Variants in PRSS48 observed in about 807,000 individuals in gnomAD.
PRSS48 encodes the protein serine protease 48, also known as epidermis-specific serine protease-like protein.
In PRSS48, 21 loss-of-function variants were observed where a neutral mutation model predicts 25.6. That is an observed-to-expected ratio of 0.82 (90% CI 0.58 to 1.18). The LOEUF (loss-of-function observed/expected upper bound fraction) is 1.18, where lower values mean the gene tolerates loss of function less well. PRSS48 is among the 50% of genes most tolerant of loss of function. The probability of loss-of-function intolerance (pLI) is 0.00; values close to 1 mark genes in which losing one functional copy is unlikely to be tolerated. For synonymous variants in PRSS48, 150 were observed against 149.3 expected (o/e 1.00, Z -0.04); for missense variants, 373 against 399.3 (o/e 0.93, Z 0.56).
At chr4:151,281,186 C>T (rs1180339886) in intron 2 of PRSS48, among the ~76,000 whole-genome samples, 2 of 152,264 alleles carry the variant, frequency 1.3e-5, no homozygotes, top group Admixed American at 6.5e-5. Context: ...TGATAGAATG[C>T]CTGACAAGTT....
intron 4 of PRSS48, 90 bp from the exon 5 acceptor site, chr4:151,291,028 C>A: frequency 1.0e-6 from 1 of 982,514 alleles, no homozygotes. Context: ...GGTCTCATGG[C>A]CCAGTTTTAA....
chr4:151,279,781 C>T lies in PRSS48; in HGVS notation c.53-15C>T. On this transcript the variant is annotated splice_polypyrimidine_tract_variant and intron_variant, in intron 1 of 4. Transcript: ENST00000455694. ...CTCCTAGGTTTCCACATTTCCCTTT[C>T]TTCTCTTTCTCTAGTGTGTGGGCAA... is the stretch of plus-strand genomic sequence containing the variant. 6.2e-7 allele frequency: 1 copy of T among 1,612,810 alleles called. No individual in the cohort carries two copies. The highest frequency in any genetic ancestry group is 1.3e-5 in the African/African-American group (1 of 75,052).
rs775291733 is a variant in PRSS48 at position 151,282,405 on chromosome 4, A to G, written c.473A>G (p.Glu158Gly). The change falls in exon 3 of 5, where the codon GAA (glutamate) becomes GGA (glycine). Residue 158 changes from glutamate to glycine, a missense_variant. Glu to Gly is a moderately conservative substitution (Grantham distance 98). Transcript: ENST00000455694. ...GTGACCGGATGGGGAAAAGTTAAGG[A>G]AAGTTCAGGTGAGAATGGGCAGAGA... 5.0e-5 allele frequency: 80 copies of G among 1,613,790 alleles called. No homozygotes were observed. The highest frequency in any genetic ancestry group is 6.4e-5 in the Non-Finnish European group (76 of 1,179,862).
chr4:151,289,342 T>C (rs1382779182), intron 4 of PRSS48, among the ~76,000 whole-genome samples: 4 of 152,196 alleles, frequency 2.6e-5, no homozygotes, highest in Middle Eastern at 3.2e-3. Flanking sequence ...TTAGATATGT[T>C]ATCAAAAGCA....
chr4:151,282,483 G>C, intron 3 of PRSS48, 70 bp downstream of exon 3: 2 of 1,504,310 alleles, frequency 1.3e-6, no homozygotes, highest in Non-Finnish European at 1.8e-6. Context: ...TCATATTCTA[G>C]GCATATCCTT....
At chr4:151,278,657 G>A (rs1021228813) in intron 1 of PRSS48, among the ~76,000 whole-genome samples, 1 of 151,784 alleles carries the variant, frequency 6.6e-6, no homozygotes, top group Non-Finnish European at 1.5e-5. Flanking sequence ...TTCAGACAGG[G>A]TCTCACTCTC....
chr4:151,282,843 T>C (rs2150009716), intron 3 of PRSS48, among the ~76,000 whole-genome samples: 1 of 152,248 alleles, frequency 6.6e-6, no homozygotes, highest in South Asian at 2.1e-4. Context: ...TTTAGAATAG[T>C]CATACCTTTA....
chr4:151,287,200 G>A (rs974405378), intron 4 of PRSS48, among the ~76,000 whole-genome samples: 6 of 151,466 alleles, frequency 4.0e-5, no homozygotes, highest in South Asian at 2.1e-4. Flanking sequence ...AATTAGCTGG[G>A]TGTGGTGGCT....
intron 2 of PRSS48, 117 bp from the exon 3 acceptor site, chr4:151,282,031 T>C (rs1774284237): frequency 2.0e-6 from 2 of 1,008,348 alleles, no homozygotes; most frequent in South Asian, 3.1e-5. Context: ...GGAAGCACCA[T>C]GGTTAATTCC....
chr4:151,278,162 T>C (rs1351349329), intron 1 of PRSS48, among the ~76,000 whole-genome samples: 1 of 152,210 alleles, frequency 6.6e-6, no homozygotes, highest in African/African-American at 2.4e-5. Flanking sequence ...AGTAAACAGC[T>C]TGCAACCTCA....
chr4:151,291,109 C>A lies in PRSS48; in HGVS notation c.652-9C>A. 6.3e-7 allele frequency: 1 copy of A among 1,595,488 alleles called. No individual in the cohort carries two copies. ...TCACTATGCTCATTACCTTTCATTTCTTCCTTAGGGTGATTCTGGAGGGCC... is the reference window on the plus strand; with the variant it reads ...TCACTATGCTCATTACCTTTCATTTATTCCTTAGGGTGATTCTGGAGGGCC... On this transcript the variant is annotated splice_polypyrimidine_tract_variant and intron_variant, in intron 4 of 4. Transcript: ENST00000455694.
intron 1 of PRSS48, among the ~76,000 whole-genome samples, chr4:151,277,798 T>C (rs1773789291): frequency 6.6e-6 from 1 of 152,156 alleles, no homozygotes; most frequent in African/African-American, 2.4e-5. Context: ...CCCAGCACTT[T>C]GGGATGCCAA....
intron 4 of PRSS48, among the ~76,000 whole-genome samples, chr4:151,289,534 A>G (rs567228530): frequency 1.1e-4 from 16 of 152,362 alleles, no homozygotes; most frequent in Admixed American, 2.6e-4. Context: ...TAAAAAGAGC[A>G]CAGTTTTTAA....
At chr4:151,279,198 G>T in intron 1 of PRSS48, 1 of 263,754 alleles carries the variant, frequency 3.8e-6, no homozygotes, top group Non-Finnish European at 7.3e-6. Context: ...GCACACTAGA[G>T]AAAGAAGAGA....
At chr4:151,285,481 AAC>A (rs1774656526) in intron 4 of PRSS48, among the ~76,000 whole-genome samples, 2 of 152,244 alleles carry the variant, frequency 1.3e-5, no homozygotes, top group South Asian at 2.1e-4. Context: ...TGTGGAAAGT[AAC>A]ACACTGCTAA....
chr4:151,283,487 T>C (rs1354228928), intron 4 of PRSS48, among the ~76,000 whole-genome samples: 1 of 149,576 alleles, frequency 6.7e-6, no homozygotes, highest in Non-Finnish European at 1.5e-5. Context: ...TCTAGACCAA[T>C]ACTAACGACT....
At chr4:151,291,036 TA>T in intron 4 of PRSS48, 81 bp from the exon 5 acceptor site, 2 of 1,107,666 alleles carry the variant, frequency 1.8e-6, no homozygotes, top group Non-Finnish European at 2.6e-6. Flanking sequence ...GGCCCAGTTT[TA>T]AAGAATTCTC....
In PRSS48 at chr4:151,279,854, G is replaced by T. The variant is rs1034814369; in HGVS notation, c.111G>T (p.Gly37=). Reference sequence around the variant, plus strand: ...TAGGTGGCCAGGATGCTGCTGCAGGGCGCTGGCCTTGGCAGGTCAGCCTAC... The same window carrying T: ...TAGGTGGCCAGGATGCTGCTGCAGGTCGCTGGCCTTGGCAGGTCAGCCTAC... The change falls in exon 2 of 5, where the codon GGG becomes GGT. Residue 37 remains glycine (G), a synonymous_variant. Transcript: ENST00000455694. 5 of 1,600,132 alleles carry T rather than the reference G, an allele frequency of 3.1e-6. No homozygotes were observed. The African/African-American group carries it at 6.7e-5, about 22-fold the overall frequency.
intron 2 of PRSS48, 82 bp downstream of exon 2, chr4:151,280,040 T>C (rs1340356004): frequency 1.1e-5 from 9 of 794,168 alleles, no homozygotes; most frequent in Non-Finnish European, 1.2e-5. Context: ...AAAAGACAAA[T>C]GAAAGTGGTA....
Sources: gnomAD v4.1 joint callset for allele counts (sites outside exome capture counted in the v4.1 genomes callset) on GRCh38, gnomAD v4.1.1 for gene constraint, MANE v1.5 for transcripts, NCBI Gene and HGNC (gene_info 2026-07-23, HGNC 2026-07-21) for gene names.